GAN: variants seen among roughly 807,000 people sequenced by gnomAD.
GAN encodes gigaxonin.
In GAN, 48 loss-of-function variants were observed where a neutral mutation model predicts 71.3. That is an observed-to-expected ratio of 0.67 (90% confidence interval 0.53 to 0.86). GAN has a LOEUF of 0.86. Among genes scored for constraint, GAN ranks in the 40% least tolerant of loss-of-function variants. The pLI is 0.00. For synonymous variants in GAN, 386 were observed against 276.8 expected, an observed-to-expected ratio of 1.39 and a Z score of -3.92; for missense variants, 928 against 770.1, an observed-to-expected ratio of 1.21 and a Z score of -2.43.
chr16:81,322,691 G>C (rs952123367), intron 1 of GAN, among the ~76,000 whole-genome samples: 3 of 152,152 alleles, frequency 2.0e-5, no homozygotes, highest in African/African-American at 7.2e-5. Context: ...AATATGACTA[G>C]ATATATTTTG....
intron 2 of GAN, among the ~76,000 whole-genome samples, chr16:81,352,526 A>C (rs571632188): frequency 4.1e-4 from 63 of 152,110 alleles, no homozygotes; most frequent in African/African-American, 1.5e-3. Context: ...TCTTTCTGAG[A>C]TCTTGTTCCC....
intron 5 of GAN, 148 bp from the exon 6 acceptor site, chr16:81,362,351 T>C: frequency 1.4e-6 from 1 of 690,882 alleles, no homozygotes; most frequent in Non-Finnish European, 2.6e-6. Flanking sequence ...TCACCAAGGA[T>C]CCAATGGGAT....
rs1904305551 is a variant in GAN at position 81,381,640 on chromosome 16, C to G, written c.*4044C>G. On this transcript the variant is annotated 3_prime_UTR_variant, in exon 11 of 11. Coordinates refer to ENST00000648994, the MANE Select transcript of GAN (RefSeq NM_022041.4). ...ACAGTGAGGCAGAGGTCACACCACT[C>G]TCCTACTCAAGGTCATAAACCCACT... The G allele has an allele frequency of 6.6e-6, 1 of 152,256 alleles. No homozygotes were observed. Among genetic ancestry groups the G allele is most frequent in the Non-Finnish European group, 1.5e-5 (1 of 68,076 alleles). The allele number at this position is 152,256 out of a possible 1,614,324, so 9.4% of individuals were successfully genotyped here.
At chr16:81,338,241 G>A (rs1909830050) in intron 1 of GAN, among the ~76,000 whole-genome samples, 1 of 152,094 alleles carries the variant, frequency 6.6e-6, no homozygotes, top group Non-Finnish European at 1.5e-5. Context: ...TAAGGTTGCT[G>A]CATTTTCTAG....
rs760587601 is a variant in GAN at position 81,356,846 on chromosome 16, G to A, written c.695G>A (p.Arg232Gln). ...WVSGLDSSYL[R>Q]EQMLNEPLVR... ...TCAGGGTTGGACTCCAGTTATTTAC[G>A]GGAACAGATGCTGAATGAACCATTA... The change falls in exon 4 of 11, where the codon CGG becomes CAG. Residue 232 changes from arginine to glutamine, a missense_variant. Physicochemically the swap from Arg to Gln is conservative, Grantham distance 43 (BLOSUM62 1). Transcript: ENST00000648994. 7 of 1,613,562 alleles carry A rather than the reference G, an allele frequency of 4.3e-6. No homozygotes were observed. The highest frequency in any genetic ancestry group is 4.5e-5 in the East Asian group (2 of 44,886).
chr16:81,357,327 G>C (rs552807786), intron 4 of GAN, among the ~76,000 whole-genome samples: 3 of 152,012 alleles, frequency 2.0e-5, no homozygotes, highest in South Asian at 2.1e-4. Context: ...TCATTGTTCA[G>C]TTCCCACCTA....
intron 1 of GAN, among the ~76,000 whole-genome samples, chr16:81,315,668 C>T (rs1909011792): frequency 1.3e-5 from 2 of 152,270 alleles, no homozygotes; most frequent in South Asian, 4.1e-4. Flanking sequence ...GGCGAGGCCG[C>T]GCCGGGGAAG....
chr16:81,322,684 A>G (rs1597388335), intron 1 of GAN, among the ~76,000 whole-genome samples: 2 of 152,272 alleles, frequency 1.3e-5, no homozygotes, highest in African/African-American at 4.8e-5. Context: ...ACATATTAAT[A>G]TGACTAGATA....
intron 1 of GAN, among the ~76,000 whole-genome samples, chr16:81,327,561 A>C (rs1366428842): frequency 6.6e-6 from 1 of 151,046 alleles, no homozygotes; most frequent in East Asian, 1.9e-4. Context: ...ATTCACATAA[A>C]TTCCTGCTTT....
chr16:81,364,025 T>C, intron 7 of GAN, 82 bp downstream of exon 7: 4 of 1,052,074 alleles, frequency 3.8e-6, no homozygotes, highest in Non-Finnish European at 6.0e-6. Flanking sequence ...TGAATAAACC[T>C]TTAATATAAC....
At chr16:81,353,866 C>G (rs1910392235) in intron 2 of GAN, among the ~76,000 whole-genome samples, 1 of 152,048 alleles carries the variant, frequency 6.6e-6, no homozygotes, top group Non-Finnish European at 1.5e-5. Context: ...TGTCTGTGTA[C>G]CAAATTGCAC....
intron 5 of GAN, among the ~76,000 whole-genome samples, chr16:81,358,602 C>A (rs1424028395): frequency 6.7e-6 from 1 of 150,180 alleles, no homozygotes; most frequent in Non-Finnish European, 1.5e-5. Context: ...GAGTGAGACC[C>A]TGTCTCAAAA....
Position 81,379,172 on chromosome 16 carries a change from A to G in GAN, c.*1576A>G, listed in dbSNP as rs961528942. ...TAGAAACTTCCTGTATGGAACGTTT[A>G]TATGCAATTAACATGCATATGAAAA... On this transcript the variant is annotated 3_prime_UTR_variant, in exon 11 of 11. Coordinates refer to ENST00000648994, the MANE Select transcript of GAN (RefSeq NM_022041.4). The G allele has an allele frequency of 6.6e-6, 1 of 152,182 alleles. No homozygotes were observed. Among genetic ancestry groups the G allele is most frequent in the Non-Finnish European group, 1.5e-5 (1 of 68,034 alleles). 9.4% of individuals were successfully genotyped at this position (152,182 alleles called of 1,614,324 possible).
chr16:81,370,583 C>G (rs1001091931), intron 9 of GAN, among the ~76,000 whole-genome samples: 8 of 152,230 alleles, frequency 5.3e-5, no homozygotes, highest in Admixed American at 1.3e-4. Context: ...GGCTGAGATT[C>G]ATCCCATTGG....
chr16:81,319,478 T>C (rs1234063946), intron 1 of GAN, among the ~76,000 whole-genome samples: 1 of 152,114 alleles, frequency 6.6e-6, no homozygotes, highest in Non-Finnish European at 1.5e-5. Context: ...GTGAGTAATG[T>C]ATGTGAAAAG....
rs184705379 is a variant in GAN, at chr16:81,387,991, T to C, written c.*10395T>C. On this transcript the variant is annotated 3_prime_UTR_variant, in exon 11 of 11. Transcript: ENST00000648994. ...ACCTTTCGTTTGAACCAGCCTTGAT[T>C]GTTCTCTCCATGTTCCACTGTGGCT... The C allele has an allele frequency of 2.1e-4, 32 of 152,392 alleles. No individual in the cohort carries two copies. The highest frequency in any genetic ancestry group is 6.5e-4 in the African/African-American group (27 of 41,578). The allele number at this position is 152,392 out of a possible 1,614,324, so 9.4% of individuals were successfully genotyped here. A position where few individuals can be genotyped will look rare whatever the true frequency, so the allele number is the denominator to read the frequency against.
At chr16:81,346,032 TTAAAA>T (rs1394839488) in intron 1 of GAN, among the ~76,000 whole-genome samples, 2 of 152,214 alleles carry the variant, frequency 1.3e-5, no homozygotes, top group Non-Finnish European at 2.9e-5. Flanking sequence ...CTGGGTTACT[TTAAAA>T]TAAGAACTCT....
chr16:81,389,574 C>T lies in GAN; in HGVS notation c.*11978C>T. 1 of 152,376 alleles carries T rather than the reference C, an allele frequency of 6.6e-6. No homozygotes were observed. The highest frequency in any genetic ancestry group is 1.5e-5 in the Non-Finnish European group (1 of 68,054). 9.4% of individuals were successfully genotyped at this position (152,376 alleles called of 1,614,324 possible). A position where few individuals can be genotyped will look rare whatever the true frequency, so the allele number is the denominator to read the frequency against. ...GTAGGCAGACTTCATTGTGTGTTAG[C>T]AGTGACAGTGATGTCTGTACCTATC... On this transcript the variant is annotated 3_prime_UTR_variant, in exon 11 of 11. Coordinates refer to ENST00000648994, the MANE Select transcript of GAN (RefSeq NM_022041.4).
intron 5 of GAN, among the ~76,000 whole-genome samples, chr16:81,359,202 T>TCC (rs34699709): frequency 6.6e-6 from 1 of 151,758 alleles, no homozygotes; most frequent in East Asian, 1.9e-4. Context: ...CCCTTACATT[T>TCC]CCCCCAAAAT....
Sources: gnomAD v4.1 joint callset for allele counts (sites outside exome capture counted in the v4.1 genomes callset) on GRCh38, gnomAD v4.1.1 for gene constraint, MANE v1.5 for transcripts, NCBI Gene and HGNC (gene_info 2026-07-23, HGNC 2026-07-21) for gene names.